Variants in CTNNA3 observed in about 807,000 individuals in gnomAD.
CTNNA3 encodes catenin alpha 3, also known as catenin alpha-3.
Under a neutral mutation model 95.7 loss-of-function variants are expected in CTNNA3, and 76 were observed. The observed-to-expected ratio is 0.79, with a 90% CI of 0.66 to 0.96. CTNNA3 has a LOEUF of 0.96. Among genes scored for constraint, CTNNA3 ranks in the 40% least tolerant of loss-of-function variants. CTNNA3 has a pLI of 0.00. For synonymous variants in CTNNA3, 431 were observed against 374.4 expected (o/e 1.15, Z -1.74); for missense variants, 1,191 against 1,089.8 (o/e 1.09, Z -1.31).
At chr10:66,107,007 A>G (rs1203224987) in intron 13 of CTNNA3, among the ~76,000 whole-genome samples, 3 of 152,206 alleles carry the variant, frequency 2.0e-5, no homozygotes, top group Non-Finnish European at 4.4e-5. Flanking sequence ...TCTAAAATCC[A>G]TGTAAGAGAT....
intron 7 of CTNNA3, among the ~76,000 whole-genome samples, chr10:67,005,596 A>G (rs949517475): frequency 6.6e-6 from 1 of 151,716 alleles, no homozygotes; most frequent in East Asian, 1.9e-4. Flanking sequence ...TGAATCGGAA[A>G]AAAAGGTATG....
intron 10 of CTNNA3, 125 bp downstream of exon 10, chr10:66,621,567 G>T: frequency 1.8e-6 from 1 of 541,136 alleles, no homozygotes; most frequent in Non-Finnish European, 3.2e-6. Context: ...ATTCCAGCCT[G>T]GGCAACAGAG....
At chr10:66,112,122 C>G (rs2082142693) in intron 13 of CTNNA3, among the ~76,000 whole-genome samples, 1 of 152,102 alleles carries the variant, frequency 6.6e-6, no homozygotes. Context: ...ACATAGTCCA[C>G]TCTAATTCAT....
intron 11 of CTNNA3, among the ~76,000 whole-genome samples, chr10:66,478,749 T>C (rs1019720580): frequency 2.0e-5 from 3 of 151,838 alleles, no homozygotes; most frequent in Admixed American, 1.3e-4. Flanking sequence ...AATATCTATG[T>C]CATTTTATTC....
At chr10:67,389,594 A>T (rs1177006330) in intron 5 of CTNNA3, among the ~76,000 whole-genome samples, 1 of 149,692 alleles carries the variant, frequency 6.7e-6, no homozygotes. Flanking sequence ...ACCCCAAATC[A>T]ACAGAATATA....
chr10:66,481,232 A>C (rs534257296), intron 11 of CTNNA3, among the ~76,000 whole-genome samples: 1 of 152,244 alleles, frequency 6.6e-6, no homozygotes, highest in African/African-American at 2.4e-5. Context: ...TAGCACTGAG[A>C]GGGTATTTAA....
intron 1 of CTNNA3, among the ~76,000 whole-genome samples, chr10:67,735,127 GCACACACACACACACACAAACA>G (rs1252856980): frequency 2.8e-5 from 3 of 108,358 alleles, no homozygotes; most frequent in South Asian, 6.4e-4. Flanking sequence ...CAGCAAGTGA[GCACACACACACACACACAAACA>G]CACACACACA....
chr10:66,873,119 C>T (rs1393403322), intron 7 of CTNNA3, among the ~76,000 whole-genome samples: 1 of 152,156 alleles, frequency 6.6e-6, no homozygotes, highest in African/African-American at 2.4e-5. Flanking sequence ...AGGTTGATTT[C>T]ATGTTTTTGC....
At chr10:66,607,931 A>G (rs1253569405) in intron 10 of CTNNA3, among the ~76,000 whole-genome samples, 1 of 152,148 alleles carries the variant, frequency 6.6e-6, no homozygotes, top group Non-Finnish European at 1.5e-5. Flanking sequence ...CTAACATAGT[A>G]TTGGAAGTCC....
intron 13 of CTNNA3, among the ~76,000 whole-genome samples, chr10:66,111,977 T>A (rs2082137561): frequency 6.6e-6 from 1 of 152,180 alleles, no homozygotes; most frequent in Non-Finnish European, 1.5e-5. Context: ...ATTTTCAGTT[T>A]TTATGAATTG....
chr10:66,484,672 T>G (rs994292535), intron 11 of CTNNA3, among the ~76,000 whole-genome samples: 6 of 152,008 alleles, frequency 3.9e-5, no homozygotes, highest in African/African-American at 1.2e-4. Flanking sequence ...GCAACTCCTT[T>G]AAATCAGTAA....
intron 7 of CTNNA3, among the ~76,000 whole-genome samples, chr10:66,990,616 A>G (rs1188338984): frequency 6.6e-6 from 1 of 152,172 alleles, no homozygotes; most frequent in African/African-American, 2.4e-5. Flanking sequence ...ATGTTGCTCA[A>G]GATGACTCAG....
chr10:66,803,656 T>C (rs1841523099), intron 7 of CTNNA3, among the ~76,000 whole-genome samples: 1 of 152,044 alleles, frequency 6.6e-6, no homozygotes, highest in African/African-American at 2.4e-5. Context: ...AATATCTCAT[T>C]TAATTTTCAC....
intron 5 of CTNNA3, among the ~76,000 whole-genome samples, chr10:67,310,038 T>TA (rs1487765007): frequency 2.0e-5 from 3 of 152,188 alleles, no homozygotes; most frequent in Non-Finnish European, 4.4e-5. Context: ...AGCTATACGT[T>TA]ACTCAGAATA....
At chr10:66,895,387 T>C (rs1481811084) in intron 7 of CTNNA3, among the ~76,000 whole-genome samples, 1 of 152,174 alleles carries the variant, frequency 6.6e-6, no homozygotes, top group Non-Finnish European at 1.5e-5. Context: ...GTACTCAAAC[T>C]TTTATGAAGT....
intron 12 of CTNNA3, among the ~76,000 whole-genome samples, chr10:66,316,986 T>A (rs867801397): frequency 6.6e-6 from 1 of 152,060 alleles, no homozygotes. Flanking sequence ...AAAGCACCCA[T>A]AAGATAGATG....
chr10:66,528,780 C>T (rs1334196314), intron 10 of CTNNA3, among the ~76,000 whole-genome samples: 1 of 152,008 alleles, frequency 6.6e-6, no homozygotes, highest in African/African-American at 2.4e-5. Flanking sequence ...GAAACACCCC[C>T]CAAACAAACT....
At chr10:67,463,157 G>C (rs1472803181) in intron 5 of CTNNA3, among the ~76,000 whole-genome samples, 1 of 151,868 alleles carries the variant, frequency 6.6e-6, no homozygotes, top group Non-Finnish European at 1.5e-5. Context: ...TGCCCACCTT[G>C]ACCTCCTAAA....
At chr10:67,249,250 T>C (rs1473667980) in intron 5 of CTNNA3, among the ~76,000 whole-genome samples, 3 of 152,102 alleles carry the variant, frequency 2.0e-5, no homozygotes, top group African/African-American at 7.2e-5. Flanking sequence ...AATAAAACAA[T>C]TACTCATTAA....
Sources: allele counts gnomAD v4.1 joint callset (sites outside exome capture counted in the v4.1 genomes callset), GRCh38; gene constraint gnomAD v4.1.1; transcripts MANE v1.5; gene names NCBI Gene and HGNC (gene_info 2026-07-23, HGNC 2026-07-21).